GRM8: variants seen among roughly 807,000 people sequenced by gnomAD.
The protein encoded by GRM8 is metabotropic glutamate receptor 8.
A neutral mutation model predicts 87.2 loss-of-function variants in GRM8; 47 were observed. That is an observed-to-expected ratio of 0.54 (90% CI 0.43 to 0.69). GRM8 has a LOEUF of 0.69. GRM8 is among the 30% of genes least tolerant of loss of function. GRM8 has a pLI of 0.00. For synonymous variants in GRM8, 396 were observed against 404.5 expected, an observed-to-expected ratio of 0.98 and a Z score of 0.25; for missense variants, 1,019 against 1,139.2, an observed-to-expected ratio of 0.89 and a Z score of 1.52.
chr7:126,859,123 C>A (rs887620471), intron 6 of GRM8, among the ~76,000 whole-genome samples: 3 of 152,086 alleles, frequency 2.0e-5, no homozygotes, highest in Admixed American at 2.0e-4. Context: ...CTGTGCCCAC[C>A]CCCAGTCCCC....
In GRM8 at chr7:126,592,721, C is replaced by T. The variant is rs537614209; in HGVS notation, c.1494+16641G>A. Among the ~76,000 whole-genome samples the T allele has an allele frequency of 9.9e-4, 151 of 151,906 alleles. 1 individual carries two copies. Among genetic ancestry groups the T allele is most frequent in the Admixed American group, 1.3e-3 (20 of 15,258 alleles). On this transcript the variant is annotated intron_variant, in intron 8 of 10. Transcript: ENST00000339582. ...TCAAACTCACTGGGGAAAAGTTGGA[C>T]GCTTTTTCTCTAAGATCTAGAAGAA...
At chr7:126,945,064 T>A (rs1214071760) in intron 3 of GRM8, among the ~76,000 whole-genome samples, 1 of 152,052 alleles carries the variant, frequency 6.6e-6, no homozygotes, top group Non-Finnish European at 1.5e-5. Flanking sequence ...AAATATCTAG[T>A]AAAGGTGAAG....
At chr7:126,852,470 G>A (rs542240080) in intron 6 of GRM8, among the ~76,000 whole-genome samples, 10 of 152,174 alleles carry the variant, frequency 6.6e-5, no homozygotes, top group East Asian at 5.8e-4. Context: ...GATGGTATTC[G>A]GTAATCATTA....
intron 7 of GRM8, among the ~76,000 whole-genome samples, chr7:126,702,871 T>C (rs998237675): frequency 2.0e-5 from 3 of 151,972 alleles, no homozygotes; most frequent in Non-Finnish European, 4.4e-5. Context: ...GATAAAGACC[T>C]AAAGAATGAA....
At chr7:126,443,922 T>C (rs1801728604) in intron 10 of GRM8, among the ~76,000 whole-genome samples, 1 of 152,162 alleles carries the variant, frequency 6.6e-6, no homozygotes, top group Admixed American at 6.6e-5. Context: ...TTTCAGGGCA[T>C]GTATTTATTC....
chr7:126,615,504 G>T (rs1181896627), intron 7 of GRM8, among the ~76,000 whole-genome samples: 1 of 152,096 alleles, frequency 6.6e-6, no homozygotes, highest in East Asian at 1.9e-4. Flanking sequence ...ATAATGACAG[G>T]ATCAAATTCA....
intron 3 of GRM8, among the ~76,000 whole-genome samples, chr7:127,095,005 A>G (rs1035473250): frequency 6.6e-6 from 1 of 152,240 alleles, no homozygotes; most frequent in Non-Finnish European, 1.5e-5. Context: ...ATTCTGCTCA[A>G]TGGCTTCATG....
intron 7 of GRM8, among the ~76,000 whole-genome samples, chr7:126,645,444 T>C (rs529499192): frequency 6.6e-6 from 1 of 152,296 alleles, no homozygotes; most frequent in Admixed American, 6.5e-5. Flanking sequence ...CCTATGATTT[T>C]ATTCCCAACC....
intron 8 of GRM8, among the ~76,000 whole-genome samples, chr7:126,551,818 G>A (rs537056334): frequency 1.3e-5 from 2 of 151,996 alleles, no homozygotes; most frequent in Non-Finnish European, 1.5e-5. Flanking sequence ...CATAGAAATC[G>A]GGGACAGATA....
At chr7:126,867,894 C>A (rs780995114) in intron 6 of GRM8, among the ~76,000 whole-genome samples, 1 of 152,110 alleles carries the variant, frequency 6.6e-6, no homozygotes, top group Non-Finnish European at 1.5e-5. Context: ...TATAAAGTAC[C>A]TCAATATTAG....
At chr7:126,638,112 T>A (rs930500954) in intron 7 of GRM8, among the ~76,000 whole-genome samples, 1 of 152,294 alleles carries the variant, frequency 6.6e-6, no homozygotes, top group South Asian at 2.1e-4. Flanking sequence ...TGTGATATGA[T>A]TTTTTTAAAT....
At chr7:127,179,453 A>G in intron 2 of GRM8, among the ~76,000 whole-genome samples, 1 of 152,240 alleles carries the variant, frequency 6.6e-6, no homozygotes, top group Non-Finnish European at 1.5e-5. Context: ...AGACAGAAAG[A>G]CAACAAAGAA....
At chr7:126,606,647 A>G (rs1798380429) in intron 8 of GRM8, among the ~76,000 whole-genome samples, 1 of 152,146 alleles carries the variant, frequency 6.6e-6, no homozygotes, top group Non-Finnish European at 1.5e-5. Context: ...ACCTCTCTCC[A>G]CAGTGCAATT....
intron 6 of GRM8, among the ~76,000 whole-genome samples, chr7:126,892,631 TAGTCC>T (rs1182708114): frequency 6.1e-4 from 93 of 152,278 alleles, no homozygotes; most frequent in Admixed American, 2.2e-3. Flanking sequence ...GCATGATTTA[TAGTCC>T]TTTGGGTATA....
intron 9 of GRM8, among the ~76,000 whole-genome samples, chr7:126,461,224 T>A (rs2283063): frequency 0.62 from 93,562 of 151,170 alleles, 29,139 homozygotes; most frequent in Middle Eastern, 0.75. Context: ...ATCACCAGTC[T>A]GCTCCCAAAG....
intron 6 of GRM8, among the ~76,000 whole-genome samples, chr7:126,787,180 C>A (rs1389509524): frequency 1.3e-5 from 2 of 152,108 alleles, no homozygotes; most frequent in South Asian, 4.1e-4. Flanking sequence ...TGATAATGCC[C>A]GGGTGTGACC....
At chr7:126,532,796 T>G (rs1815054442) in intron 9 of GRM8, among the ~76,000 whole-genome samples, 156 bp downstream of exon 9, 1 of 66,672 alleles carries the variant, frequency 1.5e-5, no homozygotes, top group South Asian at 5.7e-4. Context: ...TATATATATA[T>G]ATATATATAT....
At chr7:126,853,051 A>C (rs1327190922) in intron 6 of GRM8, among the ~76,000 whole-genome samples, 1 of 152,186 alleles carries the variant, frequency 6.6e-6, no homozygotes, top group Non-Finnish European at 1.5e-5. Context: ...GATGGATGGA[A>C]TGTTTCATAA....
chr7:126,834,190 C>T (rs899934884), intron 6 of GRM8, among the ~76,000 whole-genome samples: 2 of 152,146 alleles, frequency 1.3e-5, no homozygotes, highest in African/African-American at 4.8e-5. Context: ...TCCCCCATTG[C>T]CATGGCCTTT....
Sources: gnomAD v4.1 joint callset for allele counts (sites outside exome capture counted in the v4.1 genomes callset) on GRCh38, gnomAD v4.1.1 for gene constraint, MANE v1.5 for transcripts, NCBI Gene and HGNC (gene_info 2026-07-23, HGNC 2026-07-21) for gene names.